Variants in CATSPERE observed in about 807,000 individuals in gnomAD.
The protein encoded by CATSPERE is catsper channel auxiliary subunit epsilon.
In CATSPERE, 93 loss-of-function variants were observed where a neutral mutation model predicts 114.1. That is an observed-to-expected ratio of 0.81 (90% CI 0.69 to 0.97). CATSPERE has a LOEUF of 0.97. Among genes scored for constraint, CATSPERE ranks in the 50% least tolerant of loss-of-function variants. The pLI is 0.00. For missense variants in CATSPERE, 1,058 were observed against 1,131.6 expected (o/e 0.93, Z 0.93); for synonymous variants, 341 against 384.1 (o/e 0.89, Z 1.31).
intron 6 of CATSPERE, among the ~76,000 whole-genome samples, chr1:244,493,770 C>T (rs1220109182): frequency 1.3e-5 from 2 of 151,974 alleles, no homozygotes; most frequent in Non-Finnish European, 2.9e-5. Context: ...AACAAACAAC[C>T]CCATCAAAAA....
intron 11 of CATSPERE, among the ~76,000 whole-genome samples, chr1:244,577,478 C>T (rs1665461945): frequency 6.6e-6 from 1 of 152,166 alleles, no homozygotes; most frequent in Non-Finnish European, 1.5e-5. Context: ...AACCAGGTGG[C>T]TTATAACAAC....
In CATSPERE at chr1:244,536,213, C is replaced by T. The variant is rs867520580; in HGVS notation, c.537-16109C>T. Among the ~76,000 whole-genome samples, 10 of 151,978 alleles carry T rather than the reference C, an allele frequency of 6.6e-5. No individual in the cohort carries two copies. In the South Asian group the frequency reaches 1.0e-3, roughly 16 times the overall value. On this transcript the variant is annotated intron_variant, in intron 8 of 21. Coordinates refer to ENST00000366534, the MANE Select transcript of CATSPERE (RefSeq NM_001130957.2). ...GTCTCTTTCATAGCTGTGAGCTGTG[C>T]TGCCTAGTGTTGGGGAGGGGTGGCA...
At chr1:244,454,144 T>A (rs1038212625), upstream of CATSPERE, among the ~76,000 whole-genome samples, 1 of 152,060 alleles carries the variant, frequency 6.6e-6, no homozygotes, top group African/African-American at 2.4e-5. Context: ...AAACCCTCCT[T>A]ATTTGTCTGG....
chr1:244,466,055 T>C (rs984647516), intron 2 of CATSPERE, among the ~76,000 whole-genome samples: 2 of 152,216 alleles, frequency 1.3e-5, no homozygotes, highest in African/African-American at 4.8e-5. Flanking sequence ...TTATAGTGAA[T>C]TGTGAAATGC....
At chr1:244,475,843 A>G (rs113755367) in intron 2 of CATSPERE, among the ~76,000 whole-genome samples, 6 of 152,188 alleles carry the variant, frequency 3.9e-5, no homozygotes, top group African/African-American at 1.2e-4. Context: ...CCATACCACA[A>G]ATTTTTATAA....
At position 244,583,939 on chromosome 1, in the gene CATSPERE, G is replaced by A. The variant is rs1666629396; in HGVS notation, c.2085G>A (p.Lys695=). The change falls in exon 13 of 22, where the codon AAG becomes AAA. Residue 695 remains lysine, a splice_region_variant and synonymous_variant. Transcript: ENST00000366534. ...CAAAAGCATGTCCAATAGCCCAAAAGGTAAGCGACATGGGCTGAAGACCCA... is the reference window on the plus strand; with the variant it reads ...CAAAAGCATGTCCAATAGCCCAAAAAGTAAGCGACATGGGCTGAAGACCCA... ...EYSKACPIAQ[K]VFQIAVGCDD... is the part of the protein sequence containing the mutation. 1 of 1,613,880 alleles carries A rather than the reference G, an allele frequency of 6.2e-7. No homozygotes were observed. The highest frequency in any genetic ancestry group is 8.5e-7 in the Non-Finnish European group (1 of 1,179,884).
chr1:244,477,782 C>T (rs757610998), intron 3 of CATSPERE, 124 bp from the exon 4 acceptor site: 17 of 958,156 alleles, frequency 1.8e-5, no homozygotes, highest in Non-Finnish European at 2.5e-5. Flanking sequence ...TAAAATATTG[C>T]AAATATTTAA....
chr1:244,621,726 TATG>T (rs1672424828), intron 20 of CATSPERE, among the ~76,000 whole-genome samples: 1 of 151,988 alleles, frequency 6.6e-6, no homozygotes, highest in African/African-American at 2.4e-5. Flanking sequence ...GCTCTGAAAG[TATG>T]ATGAAAGACC....
Position 244,477,577 on chromosome 1 carries a change from T to C in CATSPERE, c.151T>C (p.Trp51Arg), listed in dbSNP as rs1435630908. The C allele has an allele frequency of 2.5e-6, 4 of 1,602,410 alleles. No individual in the cohort carries two copies. Among genetic ancestry groups the C allele is most frequent in the Non-Finnish European group, 3.4e-6 (4 of 1,170,242 alleles). The change falls in exon 3 of 22, where the codon TGG becomes CGG. Residue 51 changes from tryptophan to arginine, a missense_variant. Trp to Arg is a moderately radical substitution (Grantham distance 101). Around this residue, in one of 2 missense-constraint regions of CATSPERE, gnomAD observed 271 missense variants for 225.9 expected, o/e 1.20. Coordinates refer to ENST00000366534, the MANE Select transcript of CATSPERE (RefSeq NM_001130957.2). ...LEYEGTLFTEWSVPETCFVLN... is the reference protein window; with the variant it reads ...LEYEGTLFTERSVPETCFVLN... ...GTATGAAGGAACATTATTTACTGAGTGGAGTGTGCCAGAAACTTGTTTTGT... is the reference window on the plus strand; with the variant it reads ...GTATGAAGGAACATTATTTACTGAGCGGAGTGTGCCAGAAACTTGTTTTGT...
intron 5 of CATSPERE, among the ~76,000 whole-genome samples, chr1:244,484,780 C>T (rs1291894745): frequency 6.6e-6 from 1 of 152,188 alleles, no homozygotes; most frequent in Non-Finnish European, 1.5e-5. Context: ...ATATTACCTT[C>T]TCTTCCTGAA....
intron 20 of CATSPERE, among the ~76,000 whole-genome samples, chr1:244,622,395 CCTTTTCTT>C (rs1384676064): frequency 7.7e-6 from 1 of 129,636 alleles, no homozygotes; most frequent in Non-Finnish European, 1.6e-5. Context: ...AATTTTCTTT[CCTTTTCTT>C]TTTTTTTTTT....
intron 21 of CATSPERE, among the ~76,000 whole-genome samples, chr1:244,638,287 C>G (rs1018747144): frequency 5.9e-5 from 9 of 152,220 alleles, no homozygotes; most frequent in Non-Finnish European, 1.0e-4. Context: ...CTTCATGGAG[C>G]TAATAGATAT....
At position 244,532,678 on chromosome 1, in the gene CATSPERE, C is replaced by T. The variant is rs1176325658; in HGVS notation, c.536+13980C>T. Among the ~76,000 whole-genome samples, 4 of 147,006 alleles carry T rather than the reference C, an allele frequency of 2.7e-5. No homozygotes were observed. In the South Asian group the frequency reaches 6.3e-4, roughly 23 times the overall value. On this transcript the variant is annotated intron_variant, in intron 8 of 21. Transcript: ENST00000366534. ...TGTGTTAGAATAGTTATCAAAATTC[C>T]TCTTGTTATTGACTTCTAGTTTTAT...
chr1:244,492,446 A>C (rs1197928302), intron 6 of CATSPERE, among the ~76,000 whole-genome samples: 1 of 149,898 alleles, frequency 6.7e-6, no homozygotes, highest in African/African-American at 2.4e-5. Flanking sequence ...GACATATCTC[A>C]AAATAATAAG....
chr1:244,611,449 G>C (rs887017776), intron 19 of CATSPERE, among the ~76,000 whole-genome samples: 1 of 151,600 alleles, frequency 6.6e-6, no homozygotes, highest in Admixed American at 6.6e-5. Context: ...AAAAAAATGA[G>C]CTGGGCCTGG....
intron 8 of CATSPERE, among the ~76,000 whole-genome samples, chr1:244,535,650 C>T (rs902964386): frequency 2.0e-5 from 3 of 152,122 alleles, no homozygotes; most frequent in African/African-American, 7.2e-5. Flanking sequence ...ACTCACCTTT[C>T]AGGGCAGTTG....
rs576707464 is a variant in CATSPERE, at chr1:244,494,020, G to C, written c.351+3549G>C. ...CTGTTGATGGGACTGTAAACTAGTT[G>C]AACCATTGTGGAAGTCAGTGTGGCG... On this transcript the variant is annotated intron_variant, in intron 6 of 21. Transcript: ENST00000366534. Among the ~76,000 whole-genome samples, 803 of 152,106 alleles carry C rather than the reference G, an allele frequency of 5.3e-3. 9 individuals carry two copies. The highest frequency in any genetic ancestry group is 0.019 in the African/African-American group (769 of 41,482).
At chr1:244,627,556 C>T (rs115161297) in intron 20 of CATSPERE, among the ~76,000 whole-genome samples, 18 of 151,266 alleles carry the variant, frequency 1.2e-4, no homozygotes, top group South Asian at 2.1e-4. Context: ...GCCTGGACGA[C>T]GGAGCAAGAC....
At chr1:244,639,763 C>CAAACACTAAAAGGT (rs1675132036) in intron 21 of CATSPERE, among the ~76,000 whole-genome samples, 165 bp from the exon 22 acceptor site, 1 of 152,066 alleles carries the variant, frequency 6.6e-6, no homozygotes, top group East Asian at 1.9e-4. Context: ...CTGTCAGCCT[C>CAAACACTAAAAGGT]AAACACTAAA....
Sources: allele counts gnomAD v4.1 joint callset (sites outside exome capture counted in the v4.1 genomes callset), GRCh38; gene constraint gnomAD v4.1.1; regional missense constraint gnomAD v4.1.1; transcripts MANE v1.5; gene names NCBI Gene and HGNC (gene_info 2026-07-23, HGNC 2026-07-21).